The following AURKA variants were observed in gnomAD, a reference collection of about 807,000 sequenced individuals.
AURKA encodes the protein aurora 2.
A neutral mutation model predicts 40.9 loss-of-function variants in AURKA; 12 were observed. The ratio of observed to expected loss-of-function variants is 0.29; its 90% CI spans 0.19 to 0.48. The LOEUF (loss-of-function observed/expected upper bound fraction) is 0.48. Among genes scored for constraint, AURKA ranks in the 20% least tolerant of loss-of-function variants. The pLI, the probability that AURKA is intolerant of heterozygous loss-of-function variation, is 0.99. For synonymous variants in AURKA, 170 were observed against 164.3 expected, an observed-to-expected ratio of 1.03 and a Z score of -0.26; for missense variants, 322 against 462.1, an observed-to-expected ratio of 0.70 and a Z score of 2.78.
At chr20:56,370,436 A>C (rs751114049) in intron 8 of AURKA, 49 bp downstream of exon 8, 30 of 1,613,996 alleles carry the variant, frequency 1.9e-5, no homozygotes, top group African/African-American at 2.7e-5. Flanking sequence ...CAGGCTGATA[A>C]GGAAAGAATT....
chr20:56,372,802 T>G (rs183180913), intron 7 of AURKA, among the ~76,000 whole-genome samples: 1 of 152,310 alleles, frequency 6.6e-6, no homozygotes, highest in African/African-American at 2.4e-5. Flanking sequence ...TTTAAAACAG[T>G]AAAGATATTG....
Position 56,370,558 on chromosome 20 carries a change from CA to C in AURKA, c.955del (p.Cys319AlafsTer5). On this transcript the variant is annotated frameshift_variant, in exon 8 of 9. Coordinates refer to ENST00000395915, the MANE Select transcript of AURKA (RefSeq NM_198437.3). LOFTEE classifies it high-confidence loss of function. ...KVDLWSLGVLCYEFLVGKPPF... is the reference protein window; with the variant it reads ...KVDLWSLGVLXYEFLVGKPPF... ...AGGCTTCCCAACTAAAAATTCATAG[CA>C]AAGAACTCCAAGGCTCCAGAGATCC... The C allele has an allele frequency of 6.2e-7, 1 of 1,614,180 alleles. No individual in the cohort carries two copies. The highest frequency in any genetic ancestry group is 8.5e-7 in the Non-Finnish European group (1 of 1,180,036).
Position 56,370,651 on chromosome 20 carries a change from G to A in AURKA, c.863C>T (p.Thr288Ile). 1 of 1,614,224 alleles carries A rather than the reference G, an allele frequency of 6.2e-7. No homozygotes were observed. The highest frequency in any genetic ancestry group is 8.5e-7 in the Non-Finnish European group (1 of 1,180,050). Residue 288 changes from threonine (T) to isoleucine (I), a missense_variant, in exon 8 of 9, where the codon ACT becomes ATT. By Grantham distance (89) the Thr-to-Ile change is moderately conservative. Coordinates refer to ENST00000395915, the MANE Select transcript of AURKA (RefSeq NM_198437.3). Reference protein sequence around the residue: ...SVHAPSSRRTTLCGTLDYLPP... With the variant: ...SVHAPSSRRTILCGTLDYLPP... ...CAGGTAGTCCAGGGTGCCACAGAGA[G>A]TGGTCCTCCTGAAAACGGAGGGAGG...
rs1162462423 is a variant in AURKA at position 56,383,512 on chromosome 20, A to G, written c.375-336T>C. Among the ~76,000 whole-genome samples, 5 of 152,240 alleles carry G rather than the reference A, an allele frequency of 3.3e-5. No homozygotes were observed. The East Asian group carries it at 9.6e-4, about 29-fold the overall frequency. On this transcript the variant is annotated intron_variant, in intron 4 of 8. Transcript: ENST00000395915. ...GACCACAAAAAGGATAAGTGACCAGAGAGGGAGGAATGCTTCCAGACCATC... is the reference window on the plus strand; with the variant it reads ...GACCACAAAAAGGATAAGTGACCAGGGAGGGAGGAATGCTTCCAGACCATC...
intron 1 of AURKA, among the ~76,000 whole-genome samples, chr20:56,391,308 T>C (rs1008953586): frequency 5.9e-5 from 9 of 152,240 alleles, no homozygotes; most frequent in East Asian, 1.9e-4. Flanking sequence ...GAAGAGACAT[T>C]ACGAGAGTTA....
chr20:56,369,849 T>C lies in AURKA; in HGVS notation c.*309A>G. ...CTTTCCCCACAGCCAGGCTCTGGAT[T>C]TGCCTCCTGTGAAGACACCATGCCT... On this transcript the variant is annotated 3_prime_UTR_variant, in exon 9 of 9. Coordinates refer to ENST00000395915, the MANE Select transcript of AURKA (RefSeq NM_198437.3). The C allele has an allele frequency of 2.0e-6, 1 of 490,746 alleles. No homozygotes were observed. The highest frequency in any genetic ancestry group is 3.7e-6 in the Non-Finnish European group (1 of 268,704). 30.4% of individuals were successfully genotyped at this position (490,746 alleles called of 1,614,324 possible). A position where few individuals can be genotyped will look rare whatever the true frequency, so the allele number is the denominator to read the frequency against.
chr20:56,374,092 T>G (rs1404857490), intron 6 of AURKA, among the ~76,000 whole-genome samples: 3 of 151,796 alleles, frequency 2.0e-5, no homozygotes, highest in Non-Finnish European at 2.9e-5. Context: ...GAAGTGAAAT[T>G]ACCCAATGCT....
rs781310202 is a variant in AURKA, at chr20:56,381,436, A to G, written c.702T>C (p.Ala234=). The change falls in exon 6 of 9, where the codon GCT becomes GCC. Residue 234 remains alanine, a synonymous_variant. Coordinates refer to ENST00000395915, the MANE Select transcript of AURKA (RefSeq NM_198437.3). ...TGGACAATAAATGAACACTTACAGT[A>G]GCAGTTCTCTGCTCATCAAACTTTG... ...KLSKFDEQRT[A]TYITELANAL... The G allele has an allele frequency of 6.2e-7, 1 of 1,612,720 alleles. No homozygotes were observed. The highest frequency in any genetic ancestry group is 2.2e-5 in the East Asian group (1 of 44,822).
rs1983845985 is a variant in AURKA at position 56,369,731 on chromosome 20, G to A, written c.*427C>T. On this transcript the variant is annotated 3_prime_UTR_variant, in exon 9 of 9. Coordinates refer to ENST00000395915, the MANE Select transcript of AURKA (RefSeq NM_198437.3). ...ATACTCATTCCAACAGCTTTACCAG[G>A]CTTCGCCAACCCAATAAGTTACACA... 5.5e-6 allele frequency: 2 copies of A among 364,466 alleles called. No individual in the cohort carries two copies. The highest frequency in any genetic ancestry group is 4.0e-5 in the South Asian group (1 of 25,172). 22.6% of individuals were successfully genotyped at this position (364,466 alleles called of 1,614,324 possible).
At chr20:56,371,319 G>T (rs1026792429) in intron 7 of AURKA, among the ~76,000 whole-genome samples, 2 of 145,706 alleles carry the variant, frequency 1.4e-5, no homozygotes, top group South Asian at 2.2e-4. Context: ...AAAATTAGCC[G>T]GGTGTGGTGG....
chr20:56,377,423 C>CA lies in AURKA; in HGVS notation c.706-3868dup, dbSNP rs747877845. Among the ~76,000 whole-genome samples, 1,373 of 144,260 alleles carry CA rather than the reference C, an allele frequency of 9.5e-3. 17 individuals are homozygous for CA. Among genetic ancestry groups the CA allele is most frequent in the Middle Eastern group, 0.014 (4 of 278 alleles). The allele number at this position is 144,260 out of a possible 152,430, so 94.6% of individuals were successfully genotyped here. On this transcript the variant is annotated intron_variant, in intron 6 of 8. Coordinates refer to ENST00000395915, the MANE Select transcript of AURKA (RefSeq NM_198437.3). ...CAAAGAACTCTTAAAACTCAAAACT[C>CA]AAAAAAAAAAAGAGCAAAAGATTTC...
At chr20:56,377,987 A>C (rs1453380974) in intron 6 of AURKA, among the ~76,000 whole-genome samples, 1 of 152,136 alleles carries the variant, frequency 6.6e-6, no homozygotes, top group Non-Finnish European at 1.5e-5. Flanking sequence ...GCAACAAGGC[A>C]AAACCTTGTC....
chr20:56,391,508 G>T (rs1206374054), intron 1 of AURKA, among the ~76,000 whole-genome samples: 1 of 152,054 alleles, frequency 6.6e-6, no homozygotes, highest in Non-Finnish European at 1.5e-5. Context: ...CTAGACACCT[G>T]GGTCCTACCC....
chr20:56,380,352 C>G (rs1326465064), intron 6 of AURKA, among the ~76,000 whole-genome samples: 37 of 124,206 alleles, frequency 3.0e-4, no homozygotes, highest in African/African-American at 1.0e-3. Context: ...GAGACTCCGT[C>G]TCAAAAAGAA....
intron 6 of AURKA, among the ~76,000 whole-genome samples, chr20:56,379,551 G>A (rs773558320): frequency 2.0e-5 from 3 of 152,170 alleles, no homozygotes; most frequent in Non-Finnish European, 4.4e-5. Context: ...CCCAGAGCTT[G>A]GTTTCTAATA....
intron 4 of AURKA, 108 bp downstream of exon 4, chr20:56,384,162 T>C (rs1986076704): frequency 2.5e-6 from 2 of 805,066 alleles, no homozygotes; most frequent in African/African-American, 3.4e-5. Context: ...ATCCTCTAAA[T>C]GCAAATAAAG....
At chr20:56,380,091 T>G (rs1396079107) in intron 6 of AURKA, among the ~76,000 whole-genome samples, 1 of 151,392 alleles carries the variant, frequency 6.6e-6, no homozygotes. Flanking sequence ...GCACGGTGGC[T>G]CATGCCTGTA....
chr20:56,386,228 TA>T (rs1986340164), intron 3 of AURKA, 28 bp downstream of exon 3: 4 of 1,613,906 alleles, frequency 2.5e-6, no homozygotes, highest in Non-Finnish European at 3.4e-6. Context: ...AAAGAAGGAC[TA>T]TCCAATGAGT....
chr20:56,370,115 A>G lies in AURKA; in HGVS notation c.*43T>C. 3 of 1,606,952 alleles carry G rather than the reference A, an allele frequency of 1.9e-6. No homozygotes were observed. The highest frequency in any genetic ancestry group is 2.6e-6 in the Non-Finnish European group (3 of 1,175,232). ...TTCAGTAGCATGTTCCTGTCAGGTT[A>G]TATGGCAGCCCTGGCTCAAGGATTT... On this transcript the variant is annotated 3_prime_UTR_variant, in exon 9 of 9. Coordinates refer to ENST00000395915, the MANE Select transcript of AURKA (RefSeq NM_198437.3).
Sources: allele counts gnomAD v4.1 joint callset (sites outside exome capture counted in the v4.1 genomes callset), GRCh38; gene constraint gnomAD v4.1.1; transcripts MANE v1.5; gene names NCBI Gene and HGNC (gene_info 2026-07-23, HGNC 2026-07-21).